LPP: variants seen among roughly 807,000 people sequenced by gnomAD.
The protein encoded by LPP is lipoma-preferred partner.
LPP carries 38 observed loss-of-function variants against 60.4 expected under a neutral mutation model. That is an observed-to-expected ratio of 0.63 (90% CI 0.49 to 0.83). LPP has a LOEUF of 0.83. Among genes scored for constraint, LPP ranks in the 40% least tolerant of loss-of-function variants. LPP has a pLI of 0.00. For synonymous variants in LPP, 328 were observed against 290.8 expected (o/e 1.13, Z -1.30); for missense variants, 902 against 783.6 (o/e 1.15, Z -1.80).
chr3:188,458,871 T>C (rs1798353689), intron 4 of LPP, among the ~76,000 whole-genome samples: 1 of 151,866 alleles, frequency 6.6e-6, no homozygotes, highest in South Asian at 2.1e-4. Context: ...TTTCTTTCCT[T>C]CTTTTTTTTT....
chr3:188,447,563 T>C (rs931702430), intron 4 of LPP, among the ~76,000 whole-genome samples: 3 of 145,378 alleles, frequency 2.1e-5, no homozygotes. Context: ...TGAGCAGAGA[T>C]TACACCATAG....
intron 6 of LPP, among the ~76,000 whole-genome samples, chr3:188,535,351 G>A (rs1309371320): frequency 6.6e-6 from 1 of 152,182 alleles, no homozygotes; most frequent in Non-Finnish European, 1.5e-5. Flanking sequence ...GCATAACAAA[G>A]AAATAATTGT....
intron 9 of LPP, among the ~76,000 whole-genome samples, chr3:188,837,550 C>A (rs976577764): frequency 1.3e-5 from 2 of 152,014 alleles, no homozygotes; most frequent in Admixed American, 1.3e-4. Context: ...ACAATAGTCA[C>A]CCTCATCAGC....
intron 1 of LPP, among the ~76,000 whole-genome samples, chr3:188,211,603 T>C (rs2149207214): frequency 6.6e-6 from 1 of 152,294 alleles, no homozygotes; most frequent in Non-Finnish European, 1.5e-5. Context: ...CTGCTCCAAC[T>C]TAGTCATCAC....
intron 8 of LPP, among the ~76,000 whole-genome samples, chr3:188,752,156 A>T (rs534377049): frequency 6.6e-6 from 1 of 152,348 alleles, no homozygotes; most frequent in South Asian, 2.1e-4. Flanking sequence ...TCCGAATTTC[A>T]TAGCCAAGTA....
rs904968894 is a variant in LPP, at chr3:188,746,725, T to C, written c.1241-13388T>C. On this transcript the variant is annotated intron_variant, in intron 8 of 11. Transcript: ENST00000617246. The stretch of plus-strand genomic sequence containing the variant: ...GAAAGCTCTTGACTTATCTCACTAG[T>C]TATTAGGGATTTGGATATATGTTTA... The C allele has an allele frequency of 3.9e-5, 12 of 308,166 alleles. No homozygotes were observed. The Admixed American group carries it at 5.2e-4, about 13-fold the overall frequency. The allele number at this position is 308,166 out of a possible 1,614,324, so 19.1% of individuals were successfully genotyped here.
chr3:188,761,968 G>A (rs918811254), intron 9 of LPP, among the ~76,000 whole-genome samples: 1 of 152,016 alleles, frequency 6.6e-6, no homozygotes, highest in Non-Finnish European at 1.5e-5. Flanking sequence ...GTGTGTAGAG[G>A]CACCCAGGGT....
At chr3:188,240,999 G>A (rs1724437347) in intron 2 of LPP, among the ~76,000 whole-genome samples, 2 of 152,152 alleles carry the variant, frequency 1.3e-5, no homozygotes, top group Admixed American at 6.5e-5. Flanking sequence ...ATGTTACGGG[G>A]TATGTATGCA....
At position 188,727,249 on chromosome 3, in the gene LPP, A is replaced by T. The variant is rs1718766781; in HGVS notation, c.1240+18856A>T. Among the ~76,000 whole-genome samples the T allele has an allele frequency of 3.3e-5, 5 of 152,120 alleles. No homozygotes were observed. The South Asian group carries it at 1.0e-3, about 31-fold the overall frequency. Reference sequence around the variant, plus strand: ...TGTCTGTGATAGGGGGTTTTGGAGGATTAAATAAGTTAATAATACATGCAA... The same window carrying T: ...TGTCTGTGATAGGGGGTTTTGGAGGTTTAAATAAGTTAATAATACATGCAA... On this transcript the variant is annotated intron_variant, in intron 8 of 11. Coordinates refer to ENST00000617246, the MANE Select transcript of LPP (RefSeq NM_001375462.1).
intron 4 of LPP, among the ~76,000 whole-genome samples, chr3:188,475,826 C>G (rs2149570574): frequency 6.6e-6 from 1 of 152,270 alleles, no homozygotes; most frequent in South Asian, 2.1e-4. Context: ...TGGCCTGAAC[C>G]CGGGAGGCGG....
intron 1 of LPP, among the ~76,000 whole-genome samples, chr3:188,209,303 T>A (rs1196056827): frequency 6.6e-6 from 1 of 152,196 alleles, no homozygotes; most frequent in Non-Finnish European, 1.5e-5. Flanking sequence ...TCAATGAGAC[T>A]GGGAAATCAT....
chr3:188,471,124 A>C (rs955698261), intron 4 of LPP, among the ~76,000 whole-genome samples: 1 of 152,152 alleles, frequency 6.6e-6, no homozygotes, highest in Non-Finnish European at 1.5e-5. Flanking sequence ...TCAATTGACC[A>C]TATATTAGAG....
At chr3:188,541,666 A>G (rs1177612804) in intron 6 of LPP, among the ~76,000 whole-genome samples, 1 of 152,040 alleles carries the variant, frequency 6.6e-6, no homozygotes, top group Non-Finnish European at 1.5e-5. Context: ...GGAAGCTGGG[A>G]AGGGCGGATC....
chr3:188,546,715 A>G (rs924812004), intron 6 of LPP, among the ~76,000 whole-genome samples: 1 of 152,212 alleles, frequency 6.6e-6, no homozygotes, highest in Non-Finnish European at 1.5e-5. Context: ...AAGTTTAGCT[A>G]TCTGGTATTC....
At position 188,512,362 on chromosome 3, in the gene LPP, G is replaced by A. The variant is rs903858921; in HGVS notation, c.307-12303G>A. On this transcript the variant is annotated intron_variant, in intron 5 of 11. Coordinates refer to ENST00000617246, the MANE Select transcript of LPP (RefSeq NM_001375462.1). ...CGCCTGAGGTCAGGAGTTCGAGACC[G>A]GCCTGGCTAACATGATGAAACCCCA... Among the ~76,000 whole-genome samples, 11 of 152,046 alleles carry A rather than the reference G, an allele frequency of 7.2e-5. No homozygotes were observed. The East Asian group carries it at 9.7e-4, about 13-fold the overall frequency.
intron 1 of LPP, among the ~76,000 whole-genome samples, chr3:188,202,467 A>G (rs903653650): frequency 6.6e-6 from 1 of 152,254 alleles, no homozygotes; most frequent in Non-Finnish European, 1.5e-5. Context: ...TGTGAGGCCC[A>G]TAAGCCATGA....
intron 2 of LPP, among the ~76,000 whole-genome samples, chr3:188,257,609 T>C (rs1407782934): frequency 1.3e-5 from 2 of 152,228 alleles, no homozygotes; most frequent in African/African-American, 4.8e-5. Flanking sequence ...ACCTTATCTG[T>C]TTCTCACTTT....
rs145791393 is a variant in LPP, at chr3:188,178,378, G to GT, written c.-190+24134dup. 5.3e-4 allele frequency among the ~76,000 whole-genome samples: 81 copies of GT among 151,994 alleles called. 1 individual carries two copies. Among genetic ancestry groups the GT allele is most frequent in the East Asian group, 1.4e-3 (7 of 5,170 alleles). On this transcript the variant is annotated intron_variant, in intron 1 of 11. Transcript: ENST00000617246. Reference sequence around the variant, plus strand: ...ATTGTCCATGTTTCTTCATTTATCTGTTTTTTTTCTGTTGCCCAGGGACTA... The same window carrying GT: ...ATTGTCCATGTTTCTTCATTTATCTGTTTTTTTTTCTGTTGCCCAGGGACTA...
At chr3:188,821,120 AT>A (rs935466375) in intron 9 of LPP, among the ~76,000 whole-genome samples, 3 of 149,426 alleles carry the variant, frequency 2.0e-5, no homozygotes, top group South Asian at 2.1e-4. Flanking sequence ...GTAGCCTCTG[AT>A]TTTTTTTTCA....
Sources: gnomAD v4.1 joint callset for allele counts (sites outside exome capture counted in the v4.1 genomes callset) on GRCh38, gnomAD v4.1.1 for gene constraint, MANE v1.5 for transcripts, NCBI Gene and HGNC (gene_info 2026-07-23, HGNC 2026-07-21) for gene names.